Variants in MARCHF1 observed in about 807,000 individuals in gnomAD.
MARCHF1 encodes membrane associated ring-CH-type finger 1.
In MARCHF1, 40 loss-of-function variants were observed where a neutral mutation model predicts 54.2. That is an observed-to-expected ratio of 0.74 (90% CI 0.57 to 0.96). MARCHF1 has a LOEUF of 0.96. Among genes scored for constraint, MARCHF1 ranks in the 40% least tolerant of loss-of-function variants. MARCHF1 has a pLI of 0.00. For missense variants in MARCHF1, 586 were observed against 656.5 expected (o/e 0.89, Z 1.17); for synonymous variants, 236 against 236.3 (o/e 1.00, Z 0.01).
rs1553971149 is a variant in MARCHF1 at position 164,027,392 on chromosome 4, A to AACAAAAAAAAT, written c.-247-38684_-247-38683insATTTTTTTTGT. Among the ~76,000 whole-genome samples, 2 of 58,982 alleles carry AACAAAAAAAAT rather than the reference A, an allele frequency of 3.4e-5. 1 individual carries two copies. The highest frequency in any genetic ancestry group is 6.7e-5 in the Non-Finnish European group (2 of 29,980). 38.7% of individuals were successfully genotyped at this position (58,982 alleles called of 152,430 possible). ...AAAAAAAAAAAAAAAAAAAAAAAAAAAGATACATAGATAAATGGATCTATA... is the reference window on the plus strand; with the variant it reads ...AAAAAAAAAAAAAAAAAAAAAAAAAAACAAAAAAAATAGATACATAGATAAATGGATCTATA... On this transcript the variant is annotated intron_variant, in intron 2 of 9. Coordinates refer to ENST00000514618, the MANE Select transcript of MARCHF1 (RefSeq NM_001394959.1).
chr4:163,541,929 TG>T (rs1738735352), intron 9 of MARCHF1, among the ~76,000 whole-genome samples: 1 of 152,232 alleles, frequency 6.6e-6, no homozygotes, highest in Admixed American at 6.5e-5. Context: ...AAATATAATT[TG>T]AACATAAATA....
chr4:163,726,971 T>G (rs1407908975), intron 4 of MARCHF1, among the ~76,000 whole-genome samples: 1 of 152,224 alleles, frequency 6.6e-6, no homozygotes, highest in Non-Finnish European at 1.5e-5. Context: ...GTAACAGTCC[T>G]TTACTACTAG....
chr4:164,144,438 A>C lies in MARCHF1; in HGVS notation c.-322-32776T>G, dbSNP rs868755017. On this transcript the variant is annotated intron_variant, in intron 1 of 9. Coordinates refer to ENST00000514618, the MANE Select transcript of MARCHF1 (RefSeq NM_001394959.1). Reference sequence around the variant, plus strand: ...ACTTGGAAGTAAAGCTCTCCTCAGCAAATGTAAAAGAACAGAAATTATAAC... The same window carrying C: ...ACTTGGAAGTAAAGCTCTCCTCAGCCAATGTAAAAGAACAGAAATTATAAC... 8.6e-3 allele frequency among the ~76,000 whole-genome samples: 1,307 copies of C among 151,390 alleles called. 26 individuals are homozygous for C. The highest frequency in any genetic ancestry group is 0.03 in the African/African-American group (1,224 of 40,876).
chr4:164,073,200 G>A (rs1183648117), intron 2 of MARCHF1, among the ~76,000 whole-genome samples: 2 of 152,174 alleles, frequency 1.3e-5, no homozygotes, highest in Admixed American at 1.3e-4. Context: ...GGAAGTGTGT[G>A]TTCATTGTGG....
intron 8 of MARCHF1, among the ~76,000 whole-genome samples, chr4:163,565,317 G>A (rs1161359940): frequency 1.3e-5 from 2 of 152,152 alleles, no homozygotes; most frequent in African/African-American, 4.8e-5. Context: ...ACAGGTTTGT[G>A]CATACAGGAG....
chr4:164,176,964 C>CCCTATA (rs1367492961), intron 1 of MARCHF1, among the ~76,000 whole-genome samples: 10 of 47,706 alleles, frequency 2.1e-4, no homozygotes, highest in African/African-American at 8.8e-4. Context: ...CTCTCTCTCT[C>CCCTATA]TCTCTCTCTC....
chr4:164,343,503 TAAAC>T (rs1451858058), intron 1 of MARCHF1, among the ~76,000 whole-genome samples: 6 of 152,142 alleles, frequency 3.9e-5, no homozygotes, highest in Admixed American at 2.0e-4. Flanking sequence ...GTAAGGAACT[TAAAC>T]AAATTAACAA....
chr4:163,550,130 A>C (rs1739051705), intron 8 of MARCHF1, among the ~76,000 whole-genome samples: 1 of 152,076 alleles, frequency 6.6e-6, no homozygotes, highest in Non-Finnish European at 1.5e-5. Context: ...TAGAATACAA[A>C]AATTATCCAG....
At chr4:164,071,759 T>C (rs555867990) in intron 2 of MARCHF1, among the ~76,000 whole-genome samples, 2 of 152,286 alleles carry the variant, frequency 1.3e-5, no homozygotes, top group East Asian at 3.9e-4. Flanking sequence ...TTAAAATTTC[T>C]CACCCTGCTT....
intron 2 of MARCHF1, among the ~76,000 whole-genome samples, chr4:164,105,394 A>G (rs528939304): frequency 2.6e-3 from 395 of 151,316 alleles, no homozygotes; most frequent in Non-Finnish European, 4.7e-3. Flanking sequence ...ACAAAACAGC[A>G]TGGTACTGGT....
intron 2 of MARCHF1, among the ~76,000 whole-genome samples, chr4:164,107,897 T>C (rs1023500486): frequency 1.3e-5 from 2 of 152,012 alleles, no homozygotes; most frequent in South Asian, 2.1e-4. Flanking sequence ...ATTTCAAAAA[T>C]TGGAAAATCT....
chr4:164,109,684 T>A (rs1271650996), intron 2 of MARCHF1, among the ~76,000 whole-genome samples: 3 of 151,618 alleles, frequency 2.0e-5, no homozygotes, highest in Non-Finnish European at 4.4e-5. Flanking sequence ...CAAAGCAAGA[T>A]AACATTTCTT....
chr4:164,175,805 C>T (rs1331115909), intron 1 of MARCHF1, among the ~76,000 whole-genome samples: 2 of 152,176 alleles, frequency 1.3e-5, no homozygotes, highest in African/African-American at 4.8e-5. Flanking sequence ...CCCCAGTAAT[C>T]ATGTGAGCCA....
chr4:164,070,550 C>T (rs1218253498), intron 2 of MARCHF1, among the ~76,000 whole-genome samples: 1 of 151,978 alleles, frequency 6.6e-6, no homozygotes, highest in Non-Finnish European at 1.5e-5. Flanking sequence ...GGTCTACATT[C>T]ACACCAGCTG....
chr4:163,722,812 T>G (rs1043528761), intron 4 of MARCHF1, among the ~76,000 whole-genome samples: 1 of 152,194 alleles, frequency 6.6e-6, no homozygotes, highest in Admixed American at 6.5e-5. Context: ...CTTTGTTGGT[T>G]TAAAGTATGT....
At chr4:163,782,733 G>T (rs181351760) in intron 4 of MARCHF1, among the ~76,000 whole-genome samples, 524 of 151,954 alleles carry the variant, frequency 3.4e-3, no homozygotes, top group Admixed American at 7.7e-3. Context: ...GGGCAAACAG[G>T]CATATATACA....
intron 3 of MARCHF1, among the ~76,000 whole-genome samples, chr4:163,860,968 TA>T (rs1447696659): frequency 6.6e-6 from 1 of 151,922 alleles, no homozygotes; most frequent in Admixed American, 6.6e-5. Flanking sequence ...TGAAGAGATA[TA>T]AAAAAAGCAC....
chr4:164,377,614 C>T (rs542917211), intron 1 of MARCHF1, among the ~76,000 whole-genome samples: 1 of 151,370 alleles, frequency 6.6e-6, no homozygotes, highest in East Asian at 1.9e-4. Context: ...CACACACACA[C>T]ATACACACAT....
At chr4:164,119,370 G>T (rs1756014283) in intron 1 of MARCHF1, among the ~76,000 whole-genome samples, 1 of 147,536 alleles carries the variant, frequency 6.8e-6, no homozygotes, top group Non-Finnish European at 1.5e-5. Flanking sequence ...ATAATCAAAA[G>T]AAATACAAAT....
Sources: allele counts gnomAD v4.1 joint callset (sites outside exome capture counted in the v4.1 genomes callset), GRCh38; gene constraint gnomAD v4.1.1; transcripts MANE v1.5; gene names NCBI Gene and HGNC (gene_info 2026-07-23, HGNC 2026-07-21).